The following SUSD1 variants were observed in gnomAD, a reference collection of about 807,000 sequenced individuals.
SUSD1 encodes sushi domain containing 1.
Under a neutral mutation model 86.9 loss-of-function variants are expected in SUSD1, and 65 were observed. The ratio of observed to expected loss-of-function variants is 0.75; its 90% confidence interval spans 0.61 to 0.92. SUSD1 has a LOEUF of 0.92. Among genes scored for constraint, SUSD1 ranks in the 40% least tolerant of loss-of-function variants. The pLI, the probability that SUSD1 is intolerant of heterozygous loss-of-function variation, is 0.00. For synonymous variants in SUSD1, 346 were observed against 350.0 expected (o/e 0.99, Z 0.13); for missense variants, 850 against 929.7 (o/e 0.91, Z 1.11).
At chr9:112,108,017 G>C (rs1338100646) in intron 8 of SUSD1, among the ~76,000 whole-genome samples, 1 of 152,084 alleles carries the variant, frequency 6.6e-6, no homozygotes, top group African/African-American at 2.4e-5. Context: ...CCAAGAAAAT[G>C]TCAATAAATC....
At chr9:112,162,930 T>A (rs1833632094) in intron 1 of SUSD1, among the ~76,000 whole-genome samples, 1 of 152,184 alleles carries the variant, frequency 6.6e-6, no homozygotes, top group African/African-American at 2.4e-5. Flanking sequence ...AAACTGTAAC[T>A]TCCCCATTTT....
chr9:112,140,202 A>C lies in SUSD1; in HGVS notation c.706+2118T>G, dbSNP rs1382135617. 3.1e-5 allele frequency among the ~76,000 whole-genome samples: 4 copies of C among 128,482 alleles called. 1 individual carries two copies. The highest frequency in any genetic ancestry group is 6.3e-5 in the Non-Finnish European group (4 of 63,156). The allele number at this position is 128,482 out of a possible 152,430, so 84.3% of individuals were successfully genotyped here. ...AAGGTGAAACCCCGTCTCTACCAAA[A>C]ATACAAAAAATTAGCCGGGCGCGGT... On this transcript the variant is annotated intron_variant, in intron 5 of 16. Coordinates refer to ENST00000374270, the MANE Select transcript of SUSD1 (RefSeq NM_022486.5).
intron 6 of SUSD1, among the ~76,000 whole-genome samples, chr9:112,122,074 C>T (rs547799796): frequency 6.6e-6 from 1 of 152,320 alleles, no homozygotes; most frequent in East Asian, 1.9e-4. Context: ...CTTTATTTCC[C>T]TCTTTTATAG....
At chr9:112,133,664 G>GT (rs1186913867) in intron 5 of SUSD1, among the ~76,000 whole-genome samples, 2 of 152,138 alleles carry the variant, frequency 1.3e-5, no homozygotes, top group African/African-American at 2.4e-5. Flanking sequence ...TTGGGAAATA[G>GT]TTTTTTATTA....
intron 1 of SUSD1, chr9:112,173,607 T>G (rs997260901): frequency 4.7e-6 from 2 of 426,828 alleles, no homozygotes; most frequent in Admixed American, 2.7e-5. Flanking sequence ...AGCCTTGGTT[T>G]GATCCTTGAC....
intron 3 of SUSD1, among the ~76,000 whole-genome samples, chr9:112,148,118 A>C (rs1266706993): frequency 6.6e-6 from 1 of 152,156 alleles, no homozygotes; most frequent in Non-Finnish European, 1.5e-5. Flanking sequence ...CTTTCATTTT[A>C]TTTTTCCTGA....
intron 9 of SUSD1, 60 bp downstream of exon 9, chr9:112,102,116 G>T: frequency 1.1e-6 from 1 of 923,806 alleles, no homozygotes; most frequent in Non-Finnish European, 1.6e-6. Context: ...CTTACTTGGA[G>T]ATCGCCCAAA....
At chr9:112,056,629 T>G (rs1045398777) in intron 14 of SUSD1, among the ~76,000 whole-genome samples, 2 of 152,174 alleles carry the variant, frequency 1.3e-5, no homozygotes, top group Non-Finnish European at 2.9e-5. Context: ...TCCTAAAGAA[T>G]AACCACATAT....
At chr9:112,174,705 T>G (rs544784828) in intron 1 of SUSD1, among the ~76,000 whole-genome samples, 1 of 152,232 alleles carries the variant, frequency 6.6e-6, no homozygotes, top group East Asian at 1.9e-4. Flanking sequence ...GGTAAGAAAA[T>G]TGCTTCGGGT....
At position 112,076,554 on chromosome 9, in the gene SUSD1, T is replaced by A. The variant is rs370049336; in HGVS notation, c.1753+1984A>T. 7.2e-4 allele frequency among the ~76,000 whole-genome samples: 109 copies of A among 152,242 alleles called. 2 individuals are homozygous for A. The South Asian group carries it at 0.022, about 30-fold the overall frequency. ...GTGAGAAATCACAAGTTCCGTTTGATTTGCGTATTAGATGTTCAATAGGAC... is the reference window on the plus strand; with the variant it reads ...GTGAGAAATCACAAGTTCCGTTTGAATTGCGTATTAGATGTTCAATAGGAC... On this transcript the variant is annotated intron_variant, in intron 12 of 16. Coordinates refer to ENST00000374270, the MANE Select transcript of SUSD1 (RefSeq NM_022486.5).
At chr9:112,156,586 T>A (rs772236769) in intron 2 of SUSD1, among the ~76,000 whole-genome samples, 7 of 152,118 alleles carry the variant, frequency 4.6e-5, no homozygotes, top group Non-Finnish European at 8.8e-5. Context: ...TAAAAAAAAC[T>A]TTTTTTAGAT....
chr9:112,138,281 G>GTATATACACATATATATATATGTGT (rs1491304710), intron 5 of SUSD1, among the ~76,000 whole-genome samples: 1 of 47,244 alleles, frequency 2.1e-5, no homozygotes, highest in African/African-American at 9.4e-5. Flanking sequence ...ATATATATAT[G>GTATATACACATATATATATATGTGT]AAGTCCAGGA....
chr9:112,127,594 A>G (rs761946694), intron 5 of SUSD1, among the ~76,000 whole-genome samples: 4 of 151,896 alleles, frequency 2.6e-5, no homozygotes, highest in Non-Finnish European at 5.9e-5. Context: ...TCATTCGTTT[A>G]TTTATTCCTG....
chr9:112,151,997 G>A (rs1258724781), intron 2 of SUSD1, among the ~76,000 whole-genome samples: 2 of 151,640 alleles, frequency 1.3e-5, no homozygotes, highest in South Asian at 4.2e-4. Context: ...TCGCGCCATT[G>A]CACTCCAGCC....
rs3983405 is a variant in SUSD1 at position 112,170,692 on chromosome 9, CATAT to C, written c.103+4437_103+4440del. Among the ~76,000 whole-genome samples the C allele has an allele frequency of 4.8e-3, 575 of 120,068 alleles. 7 individuals carry two copies. Among genetic ancestry groups the C allele is most frequent in the African/African-American group, 0.018 (518 of 28,842 alleles). 78.8% of individuals were successfully genotyped at this position (120,068 alleles called of 152,430 possible). The stretch of plus-strand genomic sequence containing the variant: ...ATATACAAATGGACAATGGCCAGAT[CATAT>C]ATATATATATATATAGAGAGAGAGA... On this transcript the variant is annotated intron_variant, in intron 1 of 16. Coordinates refer to ENST00000374270, the MANE Select transcript of SUSD1 (RefSeq NM_022486.5).
intron 1 of SUSD1, among the ~76,000 whole-genome samples, chr9:112,158,504 A>G (rs2131824850): frequency 6.6e-6 from 1 of 151,572 alleles, no homozygotes; most frequent in Non-Finnish European, 1.5e-5. Context: ...AATTCTCCCC[A>G]CCTCAACCTC....
At chr9:112,128,773 C>G (rs1186205334) in intron 5 of SUSD1, among the ~76,000 whole-genome samples, 1 of 151,970 alleles carries the variant, frequency 6.6e-6, no homozygotes, top group Admixed American at 6.6e-5. Flanking sequence ...TTCAATCAAA[C>G]GAAAGAACCA....
intron 13 of SUSD1, among the ~76,000 whole-genome samples, chr9:112,060,535 T>C (rs998296614): frequency 2.0e-5 from 3 of 152,224 alleles, no homozygotes; most frequent in Admixed American, 6.5e-5. Context: ...ATCACTGCCC[T>C]GTGTGCCCAC....
At chr9:112,138,308 T>C (rs914171064) in intron 5 of SUSD1, among the ~76,000 whole-genome samples, 1 of 135,360 alleles carries the variant, frequency 7.4e-6, no homozygotes, top group Non-Finnish European at 1.6e-5. Flanking sequence ...ACCCTCCCAT[T>C]GGAAACTATC....
Sources: allele counts gnomAD v4.1 joint callset (sites outside exome capture counted in the v4.1 genomes callset), GRCh38; gene constraint gnomAD v4.1.1; transcripts MANE v1.5; gene names NCBI Gene and HGNC (gene_info 2026-07-23, HGNC 2026-07-21).